ZNF182: variants seen among roughly 807,000 people sequenced by gnomAD.
ZNF182 encodes zinc finger protein 21 (KOX 14).
In ZNF182, 10 loss-of-function variants were observed where a neutral mutation model predicts 28.1. The observed-to-expected ratio is 0.36, with a 90% CI of 0.22 to 0.60. The LOEUF (loss-of-function observed/expected upper bound fraction) is 0.60, where lower values mean the gene tolerates loss of function less well. Ranked by LOEUF, ZNF182 falls within the 20% of genes least tolerant of loss-of-function variation. The pLI, the probability that ZNF182 is intolerant of heterozygous loss-of-function variation, is 0.75. For synonymous variants in ZNF182, 156 were observed against 158.7 expected, an observed-to-expected ratio of 0.98 and a Z score of 0.13; for missense variants, 352 against 453.2, an observed-to-expected ratio of 0.78 and a Z score of 2.03.
intron 5 of ZNF182, among the ~76,000 whole-genome samples, chrX:47,980,487 T>C (rs1556898978): frequency 8.9e-6 from 1 of 112,175 alleles, no homozygotes; most frequent in Non-Finnish European, 1.9e-5. Context: ...TTTGATGTGA[T>C]GAATATACTA....
intron 2 of ZNF182, among the ~76,000 whole-genome samples, chrX:48,002,949 G>A (rs1003762069): frequency 8.9e-6 from 1 of 111,794 alleles, no homozygotes; most frequent in Non-Finnish European, 1.9e-5. Context: ...TTCTCTGCAC[G>A]TACCCACGTC....
chrX:48,003,128 T>G (rs2058984410), intron 2 of ZNF182, among the ~76,000 whole-genome samples: 1 of 111,969 alleles, frequency 8.9e-6, no homozygotes, highest in South Asian at 3.7e-4. Context: ...TAAACGTTTT[T>G]AAAAGGTGTA....
chrX:47,983,202 A>G (rs1340808698), intron 4 of ZNF182, 83 bp downstream of exon 4: 1 of 1,178,324 alleles, frequency 8.5e-7, no homozygotes, highest in East Asian at 3.0e-5. Context: ...TCAGGAGAGA[A>G]AAGAGGGAAC....
chrX:47,982,859 A>G, intron 5 of ZNF182, 90 bp downstream of exon 5: 13 of 879,734 alleles, frequency 1.5e-5, no homozygotes, highest in Non-Finnish European at 2.1e-5. Context: ...TTTTCCTAAG[A>G]TATTCCTGAA....
chrX:47,987,538 AAATG>A (rs2058927157), intron 3 of ZNF182, among the ~76,000 whole-genome samples: 2 of 112,739 alleles, frequency 1.8e-5, no homozygotes, highest in South Asian at 7.4e-4. Flanking sequence ...TAGACTGAAC[AAATG>A]AATGAATTAT....
chrX:47,988,480 C>T, intron 3 of ZNF182: 1 of 451,380 alleles, frequency 2.2e-6, no homozygotes, highest in East Asian at 3.9e-5. Flanking sequence ...GAGTCTGGTG[C>T]CTCCCTCCCC....
In ZNF182 at chrX:47,993,361, T is replaced by C. The variant is rs148822499; in HGVS notation, c.15+9234A>G. On this transcript the variant is annotated intron_variant, in intron 3 of 5. Coordinates refer to ENST00000376943, the MANE Select transcript of ZNF182 (RefSeq NM_001007088.2). The stretch of plus-strand genomic sequence containing the variant: ...AATAAACTAATAATCATAAGTGCTT[T>C]CCTGAGTTCTGTGAGTTGTTCTAAC... Among the ~76,000 whole-genome samples the C allele has an allele frequency of 5.8e-3, 651 of 112,232 alleles. 4 individuals carry two copies. Among genetic ancestry groups the C allele is most frequent in the African/African-American group, 0.02 (633 of 30,886 alleles).
intron 3 of ZNF182, among the ~76,000 whole-genome samples, chrX:47,993,319 T>G (rs1556900683): frequency 1.8e-5 from 2 of 112,421 alleles, no homozygotes; most frequent in Non-Finnish European, 3.8e-5. Context: ...TGACTGTTCC[T>G]GAGTTGTATC....
At chrX:47,988,770 T>C (rs2058931475) in intron 3 of ZNF182, among the ~76,000 whole-genome samples, 1 of 111,355 alleles carries the variant, frequency 9.0e-6, no homozygotes. Context: ...AAATAAATAA[T>C]GACAGTAATA....
chrX:47,993,022 G>A (rs1175757285), intron 3 of ZNF182, among the ~76,000 whole-genome samples: 1 of 113,047 alleles, frequency 8.8e-6, no homozygotes. Context: ...CCACCAGGAT[G>A]GGGTTAGAAT....
intron 3 of ZNF182, among the ~76,000 whole-genome samples, chrX:47,998,798 G>T: frequency 1.9e-5 from 2 of 106,083 alleles, no homozygotes; most frequent in Admixed American, 2.0e-4. Flanking sequence ...GGCAGAGGTT[G>T]CAGTGAGCCG....
intron 3 of ZNF182, among the ~76,000 whole-genome samples, chrX:48,001,673 T>C (rs2058978865): frequency 9.0e-6 from 1 of 111,658 alleles, no homozygotes; most frequent in Non-Finnish European, 1.9e-5. Context: ...ATGTTATCAT[T>C]GGGGGAACCT....
intron 5 of ZNF182, 135 bp from the exon 6 acceptor site, chrX:47,977,932 A>T: frequency 1.8e-6 from 1 of 562,731 alleles, no homozygotes; most frequent in Non-Finnish European, 2.7e-6. Context: ...GTTTTTTACT[A>T]AACTCTCACC....
chrX:47,986,213 G>C (rs1556899794), intron 3 of ZNF182, among the ~76,000 whole-genome samples: 1 of 112,665 alleles, frequency 8.9e-6, no homozygotes, highest in Non-Finnish European at 1.9e-5. Context: ...AGAATGGATA[G>C]TAGAAGAAGG....
Position 47,976,944 on chromosome X carries a change from T to G in ZNF182, c.1086A>C (p.Lys362Asn). 1.7e-6 allele frequency: 2 copies of G among 1,209,184 alleles called. No individual in the cohort carries two copies. The highest frequency in any genetic ancestry group is 2.2e-6 in the Non-Finnish European group (2 of 894,673). The change falls in exon 6 of 6, where the codon AAA becomes AAC. Residue 362 changes from lysine (K) to asparagine (N), a missense_variant. Coordinates refer to ENST00000376943, the MANE Select transcript of ZNF182 (RefSeq NM_001007088.2). ...TGAGAGTTGACTTATCACTGAAAGT[T>G]TTCTTACACTCATTACATTCATGGG... is the stretch of plus-strand genomic sequence containing the variant. ...KKPHECNECK[K>N]TFSDKSTLII...
intron 3 of ZNF182, among the ~76,000 whole-genome samples, chrX:47,995,156 C>A (rs969045194): frequency 4.6e-5 from 5 of 108,171 alleles, no homozygotes; most frequent in African/African-American, 1.7e-4. Context: ...ATGGTGAAAC[C>A]CCATCTCTAC....
chrX:47,999,469 T>C (rs1352984720), intron 3 of ZNF182, among the ~76,000 whole-genome samples: 2 of 110,448 alleles, frequency 1.8e-5, no homozygotes, highest in Non-Finnish European at 3.8e-5. Context: ...AAATACTGCC[T>C]GTGCTCACTC....
In ZNF182 at chrX:47,977,419, A is replaced by G. The variant is rs1209915800; in HGVS notation, c.611T>C (p.Leu204Pro). ...KGLRRKKGLS[L>P]HQRIKNGEKP... ...CTCTCCATTTTTAATTCTCTGATGT[A>G]GACTAAGGCCTTTCTTTCGCCTAAG... The change falls in exon 6 of 6, where the codon CTA (leucine) becomes CCA (proline). Residue 204 changes from leucine to proline, a missense_variant. Physicochemically the swap from Leu to Pro is moderately conservative, Grantham distance 98. Coordinates refer to ENST00000376943, the MANE Select transcript of ZNF182 (RefSeq NM_001007088.2). 8.3e-7 allele frequency: 1 copy of G among 1,208,156 alleles called. No individual in the cohort carries two copies. Among genetic ancestry groups the G allele is most frequent in the Non-Finnish European group, 1.1e-6 (1 of 894,817 alleles).
intron 3 of ZNF182, among the ~76,000 whole-genome samples, chrX:47,986,474 G>T (rs782241662): frequency 3.6e-5 from 4 of 112,281 alleles, no homozygotes; most frequent in Admixed American, 9.5e-5. Flanking sequence ...GCTTCCAGTT[G>T]TACGAGGGAT....
Sources: gnomAD v4.1 joint callset for allele counts (sites outside exome capture counted in the v4.1 genomes callset) on GRCh38, gnomAD v4.1.1 for gene constraint, MANE v1.5 for transcripts, NCBI Gene and HGNC (gene_info 2026-07-23, HGNC 2026-07-21) for gene names.